Variants in WDR4 observed in about 807,000 individuals in gnomAD.
The protein encoded by WDR4 is WDR4 tRNA N7-guanosine methyltransferase non-catalytic subunit, also known as tRNA (guanine-N(7)-)-methyltransferase non-catalytic subunit WDR4.
WDR4 carries 47 observed loss-of-function variants against 48.6 expected under a neutral mutation model. The observed-to-expected ratio is 0.97, with a 90% confidence interval of 0.77 to 1.23. The LOEUF is 1.23. Among genes scored for constraint, WDR4 ranks in the 50% most tolerant of loss-of-function variants. The probability of loss-of-function intolerance (pLI) is 0.00; values close to 1 mark genes in which losing one functional copy is unlikely to be tolerated. For synonymous variants in WDR4, 268 were observed against 230.0 expected (o/e 1.17, Z -1.49); for missense variants, 606 against 551.6 (o/e 1.10, Z -0.99).
chr21:42,877,803 G>A (rs1458272565), intron 1 of WDR4, among the ~76,000 whole-genome samples: 1 of 152,072 alleles, frequency 6.6e-6, no homozygotes, highest in African/African-American at 2.4e-5. Flanking sequence ...CCAGCACTTT[G>A]GGAGGCCGAG....
At chr21:42,863,935 G>C (rs1273271668) in intron 3 of WDR4, among the ~76,000 whole-genome samples, 3 of 92,256 alleles carry the variant, frequency 3.3e-5, no homozygotes, top group African/African-American at 7.1e-5. Flanking sequence ...TGAAAACCCC[G>C]TCTCTACTAA....
intron 1 of WDR4, among the ~76,000 whole-genome samples, chr21:42,877,827 G>A (rs1419316344): frequency 2.0e-5 from 3 of 151,986 alleles, no homozygotes; most frequent in Non-Finnish European, 4.4e-5. Flanking sequence ...GGCGGATCAC[G>A]AGGTCAGGAG....
intron 3 of WDR4, among the ~76,000 whole-genome samples, chr21:42,863,964 A>G (rs7281609): frequency 0.097 from 6,449 of 66,642 alleles, 1,598 homozygotes; most frequent in African/African-American, 0.24. Flanking sequence ...AAAATTAGCC[A>G]GGCGTGGTGG....
At chr21:42,886,629 G>C in the WDR4 span, among the ~76,000 whole-genome samples, 107 of 152,318 alleles carry the variant, frequency 7.0e-4, no homozygotes, top group African/African-American at 2.5e-3. Context: ...TATATTCCCA[G>C]CCTTTTGGGG....
intron 2 of WDR4, among the ~76,000 whole-genome samples, chr21:42,876,309 G>A (rs535848377): frequency 6.8e-6 from 1 of 147,496 alleles, no homozygotes; most frequent in East Asian, 2.0e-4. Flanking sequence ...CGCCTCCCAG[G>A]TTCAAGTGAT....
chr21:42,846,971 G>A (rs1362430024), downstream of WDR4, among the ~76,000 whole-genome samples: 14 of 134,256 alleles, frequency 1.0e-4, no homozygotes, highest in Non-Finnish European at 2.1e-4. Context: ...CAGTGAGGTG[G>A]AGGTTGCAGT....
chr21:42,879,358 C>G (rs2058578714), intron 1 of WDR4, 49 bp downstream of exon 1: 1 of 1,595,690 alleles, frequency 6.3e-7, no homozygotes, highest in Non-Finnish European at 8.6e-7. Flanking sequence ...CAGGACCCGA[C>G]GCGCGCCCGC....
At chr21:42,863,096 T>C (rs1000444832) in intron 4 of WDR4, among the ~76,000 whole-genome samples, 1 of 152,170 alleles carries the variant, frequency 6.6e-6, no homozygotes, top group Non-Finnish European at 1.5e-5. Context: ...GGCCACCTAC[T>C]GACCACCTCC....
At chr21:42,892,859 C>G in the WDR4 span, among the ~76,000 whole-genome samples, 27,634 of 152,162 alleles carry the variant, frequency 0.18, 2,790 homozygotes, top group Non-Finnish European at 0.21. Flanking sequence ...GCCGAGGTCC[C>G]GAGCTGAAGA....
intron 3 of WDR4, among the ~76,000 whole-genome samples, chr21:42,864,973 G>A (rs2058215137): frequency 6.6e-6 from 1 of 152,234 alleles, no homozygotes; most frequent in East Asian, 1.9e-4. Flanking sequence ...ACACCAGGCA[G>A]ACAAGTACAG....
Position 42,853,683 on chromosome 21 carries a change from C to T in WDR4, c.861G>A (p.Ala287=), listed in dbSNP as rs146066316. ...CCACGTCCCACACTTGGTGCTGGAA[C>T]GCCAGCTGCTGCCTGTACACCAACT... is the stretch of plus-strand genomic sequence containing the variant. The part of the protein sequence containing the change: ...RQQLVYRQQL[A]FQHQVWDVAF... Residue 287 remains alanine (A), a synonymous_variant, in exon 9 of 11, where the codon GCG becomes GCA. Transcript: ENST00000398208. 850 of 1,582,646 alleles carry T rather than the reference C, an allele frequency of 5.4e-4. 2 individuals are homozygous for T. Among genetic ancestry groups the T allele is most frequent in the Middle Eastern group, 1.5e-3 (9 of 6,022 alleles).
the WDR4 span, among the ~76,000 whole-genome samples, chr21:42,889,601 C>T: frequency 6.6e-6 from 1 of 150,758 alleles, no homozygotes; most frequent in Admixed American, 6.6e-5. Flanking sequence ...CAGGGTGGCA[C>T]TGCTGCCTGT....
At chr21:42,875,278 G>A (rs1260807984) in intron 2 of WDR4, among the ~76,000 whole-genome samples, 3 of 152,010 alleles carry the variant, frequency 2.0e-5, no homozygotes, top group South Asian at 2.1e-4. Flanking sequence ...CAGCCCTGGC[G>A]CGGTGCCTCA....
chr21:42,874,685 A>G (rs1569336196), intron 2 of WDR4, among the ~76,000 whole-genome samples: 1 of 152,076 alleles, frequency 6.6e-6, no homozygotes, highest in Non-Finnish European at 1.5e-5. Context: ...CCAGTCTCCC[A>G]TAGCGCTCCC....
chr21:42,847,170 G>A (rs1355264243), downstream of WDR4, among the ~76,000 whole-genome samples: 2 of 152,208 alleles, frequency 1.3e-5, no homozygotes, highest in African/African-American at 4.8e-5. Context: ...TTAAATTGAA[G>A]GAGTGAGATC....
intron 4 of WDR4, 144 bp downstream of exon 4, chr21:42,863,296 C>G: frequency 9.8e-7 from 1 of 1,015,884 alleles, no homozygotes. Flanking sequence ...ACCATGTCCC[C>G]CACGTACTGC....
chr21:42,857,201 C>T (rs536588373), intron 6 of WDR4, among the ~76,000 whole-genome samples: 9 of 152,224 alleles, frequency 5.9e-5, no homozygotes, highest in African/African-American at 2.2e-4. Context: ...CCGAGGGGCC[C>T]CTGTCTCGGG....
chr21:42,866,890 C>T (rs749642029), intron 3 of WDR4, among the ~76,000 whole-genome samples: 14 of 152,172 alleles, frequency 9.2e-5, no homozygotes, highest in Non-Finnish European at 1.6e-4. Flanking sequence ...AACTTCACAA[C>T]TGTACCCACT....
chr21:42,859,569 C>CGATCCACAGGGGCCAGT, intron 6 of WDR4, 93 bp downstream of exon 6: 8 of 1,372,146 alleles, frequency 5.8e-6, no homozygotes, highest in African/African-American at 1.4e-5. Flanking sequence ...CAGGGGCCAG[C>CGATCCACAGGGGCCAGT]GATCCACAGG....
Sources: gnomAD v4.1 joint callset for allele counts (sites outside exome capture counted in the v4.1 genomes callset) on GRCh38, gnomAD v4.1.1 for gene constraint, MANE v1.5 for transcripts, NCBI Gene and HGNC (gene_info 2026-07-23, HGNC 2026-07-21) for gene names.